WHRN: variants seen among roughly 807,000 people sequenced by gnomAD.
WHRN encodes the protein whirlin.
In WHRN, 41 loss-of-function variants were observed where a neutral mutation model predicts 68.3. The ratio of observed to expected loss-of-function variants is 0.60; its 90% confidence interval spans 0.47 to 0.78. The LOEUF (loss-of-function observed/expected upper bound fraction) is 0.78. Among genes scored for constraint, WHRN ranks in the 30% least tolerant of loss-of-function variants. The probability of loss-of-function intolerance (pLI) is 0.00; values close to 1 mark genes in which losing one functional copy is unlikely to be tolerated. For synonymous variants in WHRN, 560 were observed against 561.3 expected (o/e 1.00, Z 0.03); for missense variants, 1,243 against 1,244.7 (o/e 1.00, Z 0.02).
Position 114,406,417 on chromosome 9 carries a change from T to G in WHRN, c.2174A>C (p.Glu725Ala). The G allele has an allele frequency of 6.2e-7, 1 of 1,614,126 alleles. No homozygotes were observed. Among genetic ancestry groups the G allele is most frequent in the Non-Finnish European group, 8.5e-7 (1 of 1,180,032 alleles). ...TGGCTCGCTGTCGGGGCGGTGGACC[T>G]CCACCATGACAAAGTGCTGGTTTGT... ...TGTNQHFVMV[E>A]VHRPDSEPDV... Residue 725 changes from glutamate (E) to alanine (A), a missense_variant, in exon 9 of 12, where the codon GAG becomes GCG. Transcript: ENST00000362057.
intron 3 of WHRN, among the ~76,000 whole-genome samples, chr9:114,456,151 A>AAAAAAC (rs148294713): frequency 6.7e-6 from 1 of 148,316 alleles, no homozygotes; most frequent in Non-Finnish European, 1.5e-5. Context: ...AAAAAAAAAA[A>AAAAAAC]CATCTCCAAA....
Position 114,404,035 on chromosome 9 carries a change from A to T in WHRN, c.2279T>A (p.Leu760Gln). The change falls in exon 10 of 12, where the codon CTA becomes CAA. Residue 760 changes from leucine (L) to glutamine (Q), a missense_variant. By Grantham distance (113) the Leu-to-Gln change is moderately radical. Transcript: ENST00000362057. ...AGCATCCACACCACTGTCCTCGCTT[A>T]GAGTCTGCCCGCTGTCCGAGAGCTG... Reference protein sequence around the residue: ...LSQLSDSGQTLSEDSGVDAGE... With the variant: ...LSQLSDSGQTQSEDSGVDAGE... 5 of 1,613,430 alleles carry T rather than the reference A, an allele frequency of 3.1e-6. No homozygotes were observed. Among genetic ancestry groups the T allele is most frequent in the Non-Finnish European group, 3.4e-6 (4 of 1,180,022 alleles).
chr9:114,476,985 A>G (rs1419203757), intron 2 of WHRN, among the ~76,000 whole-genome samples: 1 of 152,120 alleles, frequency 6.6e-6, no homozygotes, highest in Non-Finnish European at 1.5e-5. Context: ...CTTGATCATG[A>G]CTCAATAACC....
intron 2 of WHRN, among the ~76,000 whole-genome samples, chr9:114,478,012 G>C (rs1841792254): frequency 6.6e-6 from 1 of 152,186 alleles, no homozygotes; most frequent in South Asian, 2.1e-4. Context: ...GACCCTGGGG[G>C]ATGGAAGATG....
At chr9:114,455,041 T>C (rs1839657959) in intron 3 of WHRN, among the ~76,000 whole-genome samples, 1 of 152,194 alleles carries the variant, frequency 6.6e-6, no homozygotes, top group Non-Finnish European at 1.5e-5. Flanking sequence ...TCACACTTTA[T>C]ATGAGAACTC....
intron 7 of WHRN, among the ~76,000 whole-genome samples, chr9:114,409,215 C>T (rs902252598): frequency 6.6e-6 from 1 of 150,578 alleles, no homozygotes; most frequent in Non-Finnish European, 1.5e-5. Context: ...CTCTGAAGCT[C>T]CAGGCTGATA....
intron 1 of WHRN, among the ~76,000 whole-genome samples, chr9:114,496,775 G>A (rs1211642115): frequency 1.3e-5 from 2 of 152,228 alleles, no homozygotes; most frequent in Admixed American, 1.3e-4. Context: ...TCACAGCCAA[G>A]TTACACTGTC....
intron 4 of WHRN, chr9:114,425,347 C>T: frequency 1.7e-6 from 1 of 604,342 alleles, no homozygotes; most frequent in East Asian, 2.8e-5. Flanking sequence ...GACAGGCAAC[C>T]TCAGGGTCAG....
intron 7 of WHRN, among the ~76,000 whole-genome samples, chr9:114,411,951 TGAGA>T (rs1835470412): frequency 6.6e-6 from 1 of 152,074 alleles, no homozygotes; most frequent in Non-Finnish European, 1.5e-5. Context: ...CTCTTGGAAA[TGAGA>T]GAGAAGGCAG....
intron 3 of WHRN, among the ~76,000 whole-genome samples, chr9:114,433,973 G>T (rs1384859251): frequency 6.6e-6 from 1 of 152,228 alleles, no homozygotes; most frequent in Admixed American, 6.5e-5. Flanking sequence ...ATGAAGGCCT[G>T]CTCTAACCCA....
At chr9:114,439,164 G>A (rs1294079089) in intron 3 of WHRN, among the ~76,000 whole-genome samples, 1 of 152,148 alleles carries the variant, frequency 6.6e-6, no homozygotes, top group Non-Finnish European at 1.5e-5. Context: ...GAAGGGACAT[G>A]GGGAGTCGTA....
intron 1 of WHRN, among the ~76,000 whole-genome samples, chr9:114,491,184 T>C (rs1842943882): frequency 6.6e-6 from 1 of 152,212 alleles, no homozygotes; most frequent in Non-Finnish European, 1.5e-5. Flanking sequence ...GATACGTTGA[T>C]GGGATTTAGT....
chr9:114,405,507 A>G (rs1834963987), intron 9 of WHRN, among the ~76,000 whole-genome samples: 2 of 152,222 alleles, frequency 1.3e-5, no homozygotes, highest in African/African-American at 4.8e-5. Context: ...ACACTGGCAC[A>G]AAGTGCTTAT....
chr9:114,475,210 A>C (rs1018190177), intron 2 of WHRN, among the ~76,000 whole-genome samples: 7 of 152,190 alleles, frequency 4.6e-5, no homozygotes, highest in Non-Finnish European at 5.9e-5. Flanking sequence ...GCAGCCTGGG[A>C]CCCAAGGTCT....
rs1195405386 is a variant in WHRN, at chr9:114,491,037, T to C, written c.619-12266A>G. 3.3e-5 allele frequency among the ~76,000 whole-genome samples: 5 copies of C among 152,190 alleles called. No individual in the cohort carries two copies. The East Asian group carries it at 9.6e-4, about 29-fold the overall frequency. ...TTAAGGAAGAACAAGATTCTCAGAG[T>C]CATAAATATATTCACTCAAGATGAG... On this transcript the variant is annotated intron_variant, in intron 1 of 11. Transcript: ENST00000362057.
At chr9:114,462,581 T>C (rs890229740) in intron 3 of WHRN, among the ~76,000 whole-genome samples, 13 of 152,150 alleles carry the variant, frequency 8.5e-5, no homozygotes, top group Admixed American at 4.6e-4. Context: ...AAGAATTTGA[T>C]CTTGGGCAAC....
intron 7 of WHRN, among the ~76,000 whole-genome samples, chr9:114,409,240 C>CAGA (rs1564119288): frequency 8.3e-6 from 1 of 120,750 alleles, no homozygotes; most frequent in East Asian, 2.6e-4. Flanking sequence ...GCTGGGGACA[C>CAGA]AGAGGTGGGA....
chr9:114,424,267 C>A (rs1388362471), intron 6 of WHRN, 67 bp downstream of exon 6: 34 of 1,567,798 alleles, frequency 2.2e-5, no homozygotes, highest in Non-Finnish European at 3.0e-5. Flanking sequence ...AGCAAAGGAG[C>A]GGGGGCAGGG....
At chr9:114,468,596 C>T (rs911621304) in intron 2 of WHRN, among the ~76,000 whole-genome samples, 6 of 152,150 alleles carry the variant, frequency 3.9e-5, no homozygotes, top group Non-Finnish European at 7.3e-5. Flanking sequence ...CAGGAGGGCA[C>T]TGCTCTGTGG....
Sources: gnomAD v4.1 joint callset for allele counts (sites outside exome capture counted in the v4.1 genomes callset) on GRCh38, gnomAD v4.1.1 for gene constraint, MANE v1.5 for transcripts, NCBI Gene and HGNC (gene_info 2026-07-23, HGNC 2026-07-21) for gene names.